Variants in AKAP7 observed in about 807,000 individuals in gnomAD.
AKAP7 encodes the protein A-kinase anchoring protein 7.
A neutral mutation model predicts 39.5 loss-of-function variants in AKAP7; 39 were observed. The observed-to-expected ratio is 0.99, with a 90% CI of 0.76 to 1.29. The LOEUF is 1.29. Ranked by LOEUF, AKAP7 falls within the 50% of genes most tolerant of loss-of-function variation. The pLI, the probability that AKAP7 is intolerant of heterozygous loss-of-function variation, is 0.00. For synonymous variants in AKAP7, 140 were observed against 139.1 expected (o/e 1.01, Z -0.05); for missense variants, 414 against 407.7 (o/e 1.02, Z -0.13).
At chr6:131,181,751 T>C (rs887324969) in intron 5 of AKAP7, among the ~76,000 whole-genome samples, 1 of 152,190 alleles carries the variant, frequency 6.6e-6, no homozygotes, top group Non-Finnish European at 1.5e-5. Context: ...CATGTCTTCA[T>C]GCCTTAGTTG....
rs572071902 is a variant in AKAP7, at chr6:131,165,500, A to G, written c.428+283A>G. Among the ~76,000 whole-genome samples, 28 of 152,314 alleles carry G rather than the reference A, an allele frequency of 1.8e-4. 1 individual carries two copies. The highest frequency in any genetic ancestry group is 6.8e-3 in the Middle Eastern group (2 of 294). On this transcript the variant is annotated intron_variant, in intron 4 of 7. Transcript: ENST00000431975. ...ACTTGACCATTTAGCTTAAAATTCT[A>G]GATACATATTCTGGAATCATGGCAA...
rs1304518874 is a variant in AKAP7, at chr6:131,282,546, G to T, written c.*820G>T. 1 of 1,535,810 alleles carries T rather than the reference G, an allele frequency of 6.5e-7. No individual in the cohort carries two copies. ...ATTAGGAGGGAGCTTTTTGAAGGAA[G>T]ACTTATTAACAACAGTAATTCAGCA... On this transcript the variant is annotated 3_prime_UTR_variant, in exon 8 of 8. Coordinates refer to ENST00000431975, the MANE Select transcript of AKAP7 (RefSeq NM_016377.4).
intron 7 of AKAP7, among the ~76,000 whole-genome samples, chr6:131,273,581 TAC>T (rs887092034): frequency 5.3e-5 from 8 of 152,188 alleles, no homozygotes; most frequent in African/African-American, 1.2e-4. Context: ...AGAAGAACCT[TAC>T]AGTTATTTGC....
intron 7 of AKAP7, among the ~76,000 whole-genome samples, chr6:131,252,345 C>T (rs1812509604): frequency 6.6e-6 from 1 of 152,148 alleles, no homozygotes; most frequent in African/African-American, 2.4e-5. Context: ...TGCATTTGCA[C>T]CCCTGCCCCC....
chr6:131,171,616 G>A (rs950102675), intron 5 of AKAP7, among the ~76,000 whole-genome samples: 2 of 152,140 alleles, frequency 1.3e-5, no homozygotes, highest in African/African-American at 4.8e-5. Flanking sequence ...AATGGAAGGG[G>A]AAAGTTTAAT....
intron 1 of AKAP7, among the ~76,000 whole-genome samples, chr6:131,138,427 T>C (rs1800759578): frequency 6.6e-6 from 1 of 152,234 alleles, no homozygotes; most frequent in African/African-American, 2.4e-5. Context: ...TCCTTGTTAT[T>C]AGGCATTTAA....
In AKAP7 at chr6:131,281,736, G is replaced by A. The variant is rs1172449983; in HGVS notation, c.*10G>A. The A allele has an allele frequency of 3.8e-6, 6 of 1,586,404 alleles. No individual in the cohort carries two copies. The highest frequency in any genetic ancestry group is 3.5e-5 in the South Asian group (3 of 86,124). On this transcript the variant is annotated 3_prime_UTR_variant, in exon 8 of 8. Coordinates refer to ENST00000431975, the MANE Select transcript of AKAP7 (RefSeq NM_016377.4). This position sits in a 1 kb window ranked among gnomAD's most constrained non-coding sequence, Gnocchi z 4.0. ...GAACAACAGGAAATGAGCCCGGAAC[G>A]CAGGCCCCCATGTCTCTGTGCAAAG... is the stretch of plus-strand genomic sequence containing the variant.
intron 7 of AKAP7, among the ~76,000 whole-genome samples, chr6:131,247,274 T>C (rs1812079882): frequency 8.6e-5 from 1 of 11,622 alleles, no homozygotes; most frequent in South Asian, 2.5e-3. Context: ...CATATGTATA[T>C]ATATATATAT....
chr6:131,137,604 T>A, intron 1 of AKAP7: 1 of 152,198 alleles, frequency 6.6e-6, no homozygotes. Flanking sequence ...GGATGGTCTC[T>A]ATCTCCTGAC....
At chr6:131,178,763 C>T (rs72991536) in intron 5 of AKAP7, among the ~76,000 whole-genome samples, 15,494 of 152,174 alleles carry the variant, frequency 0.1, 1,029 homozygotes, top group South Asian at 0.22. Flanking sequence ...CTGGGAAACA[C>T]CGATGGCAGA....
At chr6:131,161,882 A>T (rs1249237117) in intron 3 of AKAP7, among the ~76,000 whole-genome samples, 2 of 152,120 alleles carry the variant, frequency 1.3e-5, no homozygotes, top group Non-Finnish European at 2.9e-5. Context: ...GCCAGGTCCT[A>T]AGGACACTGA....
chr6:131,282,168 C>T lies in AKAP7; in HGVS notation c.*442C>T. On this transcript the variant is annotated 3_prime_UTR_variant, in exon 8 of 8. Coordinates refer to ENST00000431975, the MANE Select transcript of AKAP7 (RefSeq NM_016377.4). ...TTAAAATAATCACTGTTGGAATTGT[C>T]ATCTGTACAATTAGTCCATAATGTT... 10 of 1,236,152 alleles carry T rather than the reference C, an allele frequency of 8.1e-6. No individual in the cohort carries two copies. Among genetic ancestry groups the T allele is most frequent in the Non-Finnish European group, 1.0e-5 (10 of 990,234 alleles). The allele number at this position is 1,236,152 out of a possible 1,614,324, so 76.6% of individuals were successfully genotyped here.
At chr6:131,172,365 T>C (rs1416975348) in intron 5 of AKAP7, among the ~76,000 whole-genome samples, 1 of 152,182 alleles carries the variant, frequency 6.6e-6, no homozygotes, top group Non-Finnish European at 1.5e-5. Flanking sequence ...CTTTCCTTTT[T>C]TAAAGACAGA....
intron 7 of AKAP7, among the ~76,000 whole-genome samples, chr6:131,279,501 T>A (rs1216996065): frequency 6.6e-6 from 1 of 152,120 alleles, no homozygotes; most frequent in Non-Finnish European, 1.5e-5. Flanking sequence ...TCTCTTGACC[T>A]CGTGATCCAC....
intron 1 of AKAP7, chr6:131,136,856 A>G (rs375048338): frequency 1.0e-6 from 1 of 985,266 alleles, no homozygotes; most frequent in South Asian, 4.7e-5. Context: ...AGATGCTAAT[A>G]CTATTTTTAG....
At chr6:131,231,977 A>G (rs1032544705) in intron 7 of AKAP7, among the ~76,000 whole-genome samples, 2 of 152,232 alleles carry the variant, frequency 1.3e-5, no homozygotes, top group East Asian at 3.8e-4. Flanking sequence ...CATCTGCCAA[A>G]GTTAGACGAA....
At chr6:131,272,687 A>G (rs1814390683) in intron 7 of AKAP7, among the ~76,000 whole-genome samples, 1 of 152,186 alleles carries the variant, frequency 6.6e-6, no homozygotes, top group Non-Finnish European at 1.5e-5. Context: ...CTGATTTCTT[A>G]TTTGAATCCA....
intron 7 of AKAP7, among the ~76,000 whole-genome samples, chr6:131,222,880 C>T (rs1017501046): frequency 8.5e-5 from 13 of 152,094 alleles, no homozygotes; most frequent in African/African-American, 2.4e-4. Flanking sequence ...AAGGAAGAGT[C>T]GATTGATGCA....
At chr6:131,233,181 A>T (rs1168303715) in intron 7 of AKAP7, among the ~76,000 whole-genome samples, 2 of 152,284 alleles carry the variant, frequency 1.3e-5, no homozygotes, top group East Asian at 3.9e-4. Flanking sequence ...CAATAGACAG[A>T]CTTATAAAAC....
Sources: allele counts gnomAD v4.1 joint callset (sites outside exome capture counted in the v4.1 genomes callset), GRCh38; gene constraint gnomAD v4.1.1; non-coding constraint Gnocchi (gnomAD v3.1); transcripts MANE v1.5; gene names NCBI Gene and HGNC (gene_info 2026-07-23, HGNC 2026-07-21).